The following STARD13 variants were observed in gnomAD, a reference collection of about 807,000 sequenced individuals.
STARD13 encodes stAR-related lipid transfer protein 13.
A neutral mutation model predicts 106.4 loss-of-function variants in STARD13; 62 were observed. That is an observed-to-expected ratio of 0.58 (90% CI 0.48 to 0.72). The LOEUF (loss-of-function observed/expected upper bound fraction) is 0.72. Among genes scored for constraint, STARD13 ranks in the 30% least tolerant of loss-of-function variants. The pLI is 0.00. For missense variants in STARD13, 1,387 were observed against 1,424.0 expected, an observed-to-expected ratio of 0.97 and a Z score of 0.42; for synonymous variants, 565 against 553.0, an observed-to-expected ratio of 1.02 and a Z score of -0.31.
the STARD13 span, among the ~76,000 whole-genome samples, chr13:33,588,905 T>C: frequency 6.6e-6 from 1 of 152,202 alleles, no homozygotes; most frequent in Non-Finnish European, 1.5e-5. Flanking sequence ...GCACCTACAA[T>C]AAACCAAGTG....
At chr13:33,663,388 G>A in the STARD13 span, among the ~76,000 whole-genome samples, 1 of 152,130 alleles carries the variant, frequency 6.6e-6, no homozygotes, top group Non-Finnish European at 1.5e-5. Flanking sequence ...TAAAAATACT[G>A]TAAGAAAATG....
chr13:33,538,897 G>A, the STARD13 span, among the ~76,000 whole-genome samples: 3 of 151,860 alleles, frequency 2.0e-5, no homozygotes, highest in Non-Finnish European at 4.4e-5. Context: ...AGCCTCCTGA[G>A]TAGCTGGGAC....
chr13:33,561,092 T>G, the STARD13 span, among the ~76,000 whole-genome samples: 2 of 151,552 alleles, frequency 1.3e-5, 1 homozygote, highest in African/African-American at 4.9e-5. Flanking sequence ...ACCTTTTCAT[T>G]TCTTTTAGTT....
At chr13:33,402,113 A>G in the STARD13 span, among the ~76,000 whole-genome samples, 1 of 152,378 alleles carries the variant, frequency 6.6e-6, no homozygotes, top group South Asian at 2.1e-4. Context: ...AAGTGAATAA[A>G]TATTGGATAA....
chr13:33,667,912 T>C, the STARD13 span, among the ~76,000 whole-genome samples: 1 of 152,260 alleles, frequency 6.6e-6, no homozygotes, highest in Non-Finnish European at 1.5e-5. Context: ...ACACGGGCCA[T>C]AGCCTACACT....
chr13:33,493,527 A>G, the STARD13 span, among the ~76,000 whole-genome samples: 1 of 152,208 alleles, frequency 6.6e-6, no homozygotes, highest in Non-Finnish European at 1.5e-5. Context: ...AATAGGGAGT[A>G]TTAGTAATAA....
chr13:33,178,272 C>G (rs375391024), intron 1 of STARD13, among the ~76,000 whole-genome samples: 1 of 152,152 alleles, frequency 6.6e-6, no homozygotes, highest in Non-Finnish European at 1.5e-5. Flanking sequence ...TTCTAGGTGG[C>G]TTGAATAACA....
Position 33,201,286 on chromosome 13 carries a change from A to C in STARD13, c.170-33664T>G, listed in dbSNP as rs988453837. On this transcript the variant is annotated intron_variant, in intron 1 of 13. Coordinates refer to ENST00000336934, the MANE Select transcript of STARD13 (RefSeq NM_178006.4). ...ACAGAAACCCTCCCACACTGAGCAC[A>C]GATGTGGTGATGGATGATGTATCTC... is the stretch of plus-strand genomic sequence containing the variant. 2.0e-5 allele frequency among the ~76,000 whole-genome samples: 3 copies of C among 152,138 alleles called. No homozygotes were observed. In the South Asian group the frequency reaches 6.2e-4, roughly 32 times the overall value.
the STARD13 span, among the ~76,000 whole-genome samples, chr13:33,670,578 G>A: frequency 1.3e-5 from 2 of 152,126 alleles, no homozygotes; most frequent in South Asian, 4.1e-4. Flanking sequence ...ATTCCAACCT[G>A]TTAAGATCTG....
At chr13:33,608,814 C>T in the STARD13 span, among the ~76,000 whole-genome samples, 10 of 152,214 alleles carry the variant, frequency 6.6e-5, no homozygotes, top group South Asian at 2.1e-4. Context: ...AGGCTGGGCC[C>T]GATGGCTCAC....
chr13:33,145,799 A>G (rs1367319356), intron 3 of STARD13, among the ~76,000 whole-genome samples: 4 of 152,242 alleles, frequency 2.6e-5, no homozygotes, highest in East Asian at 1.9e-4. Flanking sequence ...ACTCATCAAA[A>G]AAATTTCAGG....
the STARD13 span, among the ~76,000 whole-genome samples, chr13:33,360,778 T>C: frequency 2.1e-5 from 3 of 141,292 alleles, no homozygotes; most frequent in Non-Finnish European, 3.1e-5. Flanking sequence ...GGTCCACTTA[T>C]ATGTGGATTT....
chr13:33,449,256 A>G, the STARD13 span, among the ~76,000 whole-genome samples: 3 of 152,182 alleles, frequency 2.0e-5, no homozygotes, highest in South Asian at 2.1e-4. Context: ...TAAGTTTTTA[A>G]TTCATCTTGA....
At chr13:33,189,650 C>T (rs766431604) in intron 1 of STARD13, among the ~76,000 whole-genome samples, 5 of 151,810 alleles carry the variant, frequency 3.3e-5, no homozygotes, top group African/African-American at 4.8e-5. Context: ...ATATGGGTGC[C>T]CTTGCTGTGG....
chr13:33,487,653 G>T, the STARD13 span, among the ~76,000 whole-genome samples: 1 of 152,058 alleles, frequency 6.6e-6, no homozygotes, highest in African/African-American at 2.4e-5. Flanking sequence ...AATCTTCCTT[G>T]TTCAAAAGTG....
chr13:33,474,060 A>G, the STARD13 span, among the ~76,000 whole-genome samples: 1 of 152,042 alleles, frequency 6.6e-6, no homozygotes, highest in Non-Finnish European at 1.5e-5. Flanking sequence ...AATTTGATAA[A>G]CTGATATTCT....
chr13:33,359,465 C>CA, the STARD13 span: 1 of 176,856 alleles, frequency 5.7e-6, no homozygotes, highest in Non-Finnish European at 1.1e-5. Context: ...TAACACTCAC[C>CA]GCGAGGGTCC....
In STARD13 at chr13:33,315,540, G is replaced by T. The variant is rs11843801; in HGVS notation, c.124+34750C>A. The stretch of plus-strand genomic sequence containing the variant: ...TTGGCAGAGTTAGCATCCACTGACA[G>T]CAATGGTAAATAGAAACTCTTTGTG... On this transcript the variant is annotated intron_variant, in intron 1 of 5. Transcript: ENST00000567873. Among the ~76,000 whole-genome samples, 600 of 152,310 alleles carry T rather than the reference G, an allele frequency of 3.9e-3. 4 individuals are homozygous for T. Among genetic ancestry groups the T allele is most frequent in the African/African-American group, 0.011 (475 of 41,570 alleles).
chr13:33,502,281 T>G, the STARD13 span, among the ~76,000 whole-genome samples: 1 of 152,218 alleles, frequency 6.6e-6, no homozygotes, highest in South Asian at 2.1e-4. Flanking sequence ...AAGGAGATTT[T>G]GGGCTGAGAC....
Sources: gnomAD v4.1 joint callset for allele counts (sites outside exome capture counted in the v4.1 genomes callset) on GRCh38, gnomAD v4.1.1 for gene constraint, MANE v1.5 for transcripts, NCBI Gene and HGNC (gene_info 2026-07-23, HGNC 2026-07-21) for gene names.